Variants in NEGR1 observed in about 807,000 individuals in gnomAD.
The protein encoded by NEGR1 is neuronal growth regulator 1, also known as IgLON family member 4.
NEGR1 carries 10 observed loss-of-function variants against 40.9 expected under a neutral mutation model. The observed-to-expected ratio is 0.24, with a 90% CI of 0.15 to 0.42. The LOEUF is 0.42. NEGR1 is among the 10% of genes least tolerant of loss of function. The pLI, the probability that NEGR1 is intolerant of heterozygous loss-of-function variation, is 1.00. For synonymous variants in NEGR1, 185 were observed against 166.8 expected (o/e 1.11, Z -0.84); for missense variants, 352 against 438.9 (o/e 0.80, Z 1.77).
At chr1:72,114,305 C>T in intron 1 of NEGR1, among the ~76,000 whole-genome samples, 1 of 151,588 alleles carries the variant, frequency 6.6e-6, no homozygotes, top group East Asian at 1.9e-4. Context: ...CATCACCCCA[C>T]ACCTCTGCCC....
intron 2 of NEGR1, among the ~76,000 whole-genome samples, chr1:71,790,132 C>G (rs1351511427): frequency 2.0e-5 from 3 of 151,958 alleles, no homozygotes; most frequent in African/African-American, 7.2e-5. Context: ...ATTTCAGGAG[C>G]CGTTTGACAA....
intron 1 of NEGR1, among the ~76,000 whole-genome samples, chr1:72,254,926 T>G (rs544440267): frequency 1.3e-5 from 2 of 152,244 alleles, no homozygotes; most frequent in East Asian, 3.9e-4. Flanking sequence ...CCCCTTAGAA[T>G]ATTTACACAC....
intron 1 of NEGR1, among the ~76,000 whole-genome samples, chr1:71,942,101 A>C (rs1056626720): frequency 2.0e-5 from 3 of 151,798 alleles, no homozygotes; most frequent in South Asian, 2.1e-4. Flanking sequence ...GAAAAAAAAA[A>C]CAAGTAGCAT....
intron 6 of NEGR1, among the ~76,000 whole-genome samples, chr1:71,581,539 A>G (rs1649133350): frequency 6.6e-6 from 1 of 152,142 alleles, no homozygotes; most frequent in Non-Finnish European, 1.5e-5. Context: ...GTGGAACATC[A>G]TGCATGTCAC....
chr1:71,569,687 C>A lies in NEGR1; in HGVS notation c.940+23130G>T, dbSNP rs187399913. Among the ~76,000 whole-genome samples the A allele has an allele frequency of 1.2e-3, 186 of 152,220 alleles. 1 individual carries two copies. Among genetic ancestry groups the A allele is most frequent in the Non-Finnish European group, 2.2e-3 (147 of 68,018 alleles). On this transcript the variant is annotated intron_variant, in intron 6 of 6. Transcript: ENST00000357731. Reference sequence around the variant, plus strand: ...AATGCAGAATTCAGATGATAAATATCTGGTGCTTAGATTTTATTTGGTTTA... The same window carrying A: ...AATGCAGAATTCAGATGATAAATATATGGTGCTTAGATTTTATTTGGTTTA...
At chr1:71,755,764 A>G (rs1207048542) in intron 3 of NEGR1, among the ~76,000 whole-genome samples, 3 of 152,128 alleles carry the variant, frequency 2.0e-5, no homozygotes, top group Non-Finnish European at 2.9e-5. Flanking sequence ...CACTCTTCAT[A>G]TTATGTCTCT....
At chr1:71,557,535 T>A (rs357206) in intron 6 of NEGR1, among the ~76,000 whole-genome samples, 92,673 of 151,346 alleles carry the variant, frequency 0.61, 28,753 homozygotes, top group Middle Eastern at 0.65. Flanking sequence ...TGGACTAAAT[T>A]AATCTGCTCA....
intron 6 of NEGR1, among the ~76,000 whole-genome samples, chr1:71,460,700 T>C (rs1005263945): frequency 5.9e-5 from 9 of 152,102 alleles, no homozygotes; most frequent in African/African-American, 2.2e-4. Flanking sequence ...TAGGTTTAGA[T>C]GGTGTGATAA....
intron 1 of NEGR1, among the ~76,000 whole-genome samples, chr1:72,095,981 T>A (rs545214718): frequency 6.6e-6 from 1 of 152,338 alleles, no homozygotes; most frequent in East Asian, 1.9e-4. Context: ...TTTCCTTTTT[T>A]TTAAGCTTTG....
At chr1:71,936,128 A>G (rs1291363615) in intron 1 of NEGR1, among the ~76,000 whole-genome samples, 1 of 152,134 alleles carries the variant, frequency 6.6e-6, no homozygotes. Flanking sequence ...AATAGCTTGC[A>G]TTTGCACAGT....
intron 1 of NEGR1, among the ~76,000 whole-genome samples, chr1:71,983,879 AT>A (rs1309221248): frequency 6.6e-6 from 1 of 152,148 alleles, no homozygotes; most frequent in Non-Finnish European, 1.5e-5. Flanking sequence ...TACTCAACAT[AT>A]TTTTTACTAA....
intron 4 of NEGR1, among the ~76,000 whole-genome samples, chr1:71,688,330 A>AT (rs1275815345): frequency 1.2e-5 from 1 of 82,124 alleles, no homozygotes; most frequent in Non-Finnish European, 2.5e-5. Context: ...ATATATATAG[A>AT]TAGATAGATA....
intron 2 of NEGR1, among the ~76,000 whole-genome samples, chr1:71,873,715 A>AGAC (rs1377819561): frequency 6.6e-6 from 1 of 152,226 alleles, no homozygotes; most frequent in Non-Finnish European, 1.5e-5. Context: ...AAACGTTAGT[A>AGAC]GACTATGATG....
At chr1:71,660,866 A>G (rs1652031274) in intron 4 of NEGR1, among the ~76,000 whole-genome samples, 2 of 152,052 alleles carry the variant, frequency 1.3e-5, no homozygotes, top group East Asian at 1.9e-4. Context: ...CTACTACCTG[A>G]CAGGCCCCAG....
At chr1:72,190,069 T>G (rs1652763887) in intron 1 of NEGR1, among the ~76,000 whole-genome samples, 1 of 151,554 alleles carries the variant, frequency 6.6e-6, no homozygotes, top group Admixed American at 6.6e-5. Context: ...TTAAAATATT[T>G]TAGTAACAGG....
chr1:71,567,846 T>TC (rs1553150705), intron 6 of NEGR1, among the ~76,000 whole-genome samples: 1 of 151,624 alleles, frequency 6.6e-6, no homozygotes, highest in African/African-American at 2.4e-5. Flanking sequence ...TTTTTTTTTT[T>TC]ATAAGATAGA....
chr1:72,090,074 C>T (rs1557521220), intron 1 of NEGR1, among the ~76,000 whole-genome samples: 1 of 152,004 alleles, frequency 6.6e-6, no homozygotes, highest in African/African-American at 2.4e-5. Flanking sequence ...GACCTCATTT[C>T]TGATTGCTCC....
At chr1:71,717,593 T>C (rs537732693) in intron 3 of NEGR1, among the ~76,000 whole-genome samples, 7 of 152,334 alleles carry the variant, frequency 4.6e-5, no homozygotes, top group African/African-American at 1.4e-4. Context: ...TGATATCTAA[T>C]AGCATTCTGC....
intron 1 of NEGR1, among the ~76,000 whole-genome samples, chr1:72,061,320 C>T (rs1354324821): frequency 5.3e-5 from 8 of 151,804 alleles, no homozygotes; most frequent in Non-Finnish European, 1.5e-5. Flanking sequence ...TGTTTCATTA[C>T]CAGCAGTGTG....
Sources: allele counts gnomAD v4.1 joint callset (sites outside exome capture counted in the v4.1 genomes callset), GRCh38; gene constraint gnomAD v4.1.1; transcripts MANE v1.5; gene names NCBI Gene and HGNC (gene_info 2026-07-23, HGNC 2026-07-21).